KAT6B: variants seen among roughly 807,000 people sequenced by gnomAD.
KAT6B encodes the protein histone acetyltransferase KAT6B.
KAT6B carries 10 observed loss-of-function variants against 187.5 expected under a neutral mutation model. The ratio of observed to expected loss-of-function variants is 0.05; its 90% confidence interval spans 0.03 to 0.09. KAT6B has a LOEUF of 0.09. Ranked by LOEUF, KAT6B falls within the 10% of genes least tolerant of loss-of-function variation. The probability of loss-of-function intolerance (pLI) is 1.00; values close to 1 mark genes in which losing one functional copy is unlikely to be tolerated. For synonymous variants in KAT6B, 861 were observed against 926.8 expected, an observed-to-expected ratio of 0.93 and a Z score of 1.29; for missense variants, 1,952 against 2,558.9, an observed-to-expected ratio of 0.76 and a Z score of 5.12.
rs755361695 is a variant in KAT6B, at chr10:74,981,850, A to G, written c.2295A>G (p.Leu765=). The change falls in exon 11 of 18, where the codon CTA becomes CTG. Residue 765 remains leucine, a synonymous_variant. Transcript: ENST00000287239. ...ATATGAAAAGTAAAAATATTTTGCT[A>G]AGACACTCCAAGAAGTGTGGATGGT... is the stretch of plus-strand genomic sequence containing the variant. ...LKYMKSKNIL[L]RHSKKCGWFH... The G allele has an allele frequency of 1.9e-6, 3 of 1,596,818 alleles. No individual in the cohort carries two copies. The South Asian group carries it at 3.3e-5, about 18-fold the overall frequency.
At chr10:75,024,835 G>T (rs1030724488) in intron 16 of KAT6B, 123 bp from the exon 17 acceptor site, 6 of 856,762 alleles carry the variant, frequency 7.0e-6, no homozygotes, top group Non-Finnish European at 7.8e-6. Flanking sequence ...AAGTACAAAG[G>T]CATTACAGAA....
chr10:74,877,126 T>C (rs1844475520), intron 3 of KAT6B, among the ~76,000 whole-genome samples: 1 of 151,310 alleles, frequency 6.6e-6, no homozygotes, highest in Non-Finnish European at 1.5e-5. Flanking sequence ...CCACCACGCC[T>C]GGCTAATTTT....
intron 9 of KAT6B, 41 bp from the exon 10 acceptor site, chr10:74,979,183 A>G (rs1368033809): frequency 1.5e-6 from 2 of 1,372,896 alleles, no homozygotes; most frequent in East Asian, 4.9e-5. Context: ...ATGTAAGTGA[A>G]GTATATATAT....
chr10:74,928,388 T>G (rs1370906479), intron 3 of KAT6B, among the ~76,000 whole-genome samples: 1 of 152,204 alleles, frequency 6.6e-6, no homozygotes. Context: ...ATGGATAAGA[T>G]TTATGCATGT....
chr10:75,007,875 A>G (rs1168232930), intron 13 of KAT6B, among the ~76,000 whole-genome samples: 2 of 152,236 alleles, frequency 1.3e-5, no homozygotes, highest in Non-Finnish European at 2.9e-5. Context: ...AAAGAGAGAC[A>G]CAGTTTTCAC....
At chr10:74,939,287 A>G (rs1040931864) in intron 3 of KAT6B, among the ~76,000 whole-genome samples, 5 of 152,148 alleles carry the variant, frequency 3.3e-5, no homozygotes, top group African/African-American at 1.2e-4. Context: ...GATATTAACT[A>G]TGAATTATGG....
chr10:74,892,922 A>G (rs1845736796), intron 3 of KAT6B, among the ~76,000 whole-genome samples: 2 of 152,186 alleles, frequency 1.3e-5, no homozygotes, highest in Non-Finnish European at 2.9e-5. Flanking sequence ...CCCTGGGGAC[A>G]GTGTATGGAG....
intron 3 of KAT6B, among the ~76,000 whole-genome samples, chr10:74,913,836 C>G (rs570573227): frequency 6.6e-6 from 1 of 152,314 alleles, no homozygotes; most frequent in East Asian, 1.9e-4. Flanking sequence ...GGGTCTCATG[C>G]TTACCTATTT....
intron 4 of KAT6B, among the ~76,000 whole-genome samples, chr10:74,962,947 C>A (rs1290550330): frequency 6.6e-6 from 1 of 151,818 alleles, no homozygotes; most frequent in African/African-American, 2.4e-5. Context: ...ATGTGGTGTC[C>A]CTAGCCTGGG....
At chr10:74,880,566 T>G (rs965681250) in intron 3 of KAT6B, among the ~76,000 whole-genome samples, 9 of 152,242 alleles carry the variant, frequency 5.9e-5, no homozygotes, top group African/African-American at 1.7e-4. Flanking sequence ...ACGTTTTTAC[T>G]TCTCTTGGCT....
intron 13 of KAT6B, among the ~76,000 whole-genome samples, chr10:74,996,700 C>T (rs1843452148): frequency 1.4e-5 from 2 of 139,726 alleles, no homozygotes; most frequent in Admixed American, 7.8e-5. Context: ...ACCTGGGAGG[C>T]GGAGCTTGCA....
Position 74,904,658 on chromosome 10 carries a change from A to G in KAT6B, c.622-55312A>G, listed in dbSNP as rs186963936. Among the ~76,000 whole-genome samples the G allele has an allele frequency of 5.3e-5, 8 of 152,170 alleles. No individual in the cohort carries two copies. The East Asian group carries it at 1.5e-3, about 29-fold the overall frequency. Reference sequence around the variant, plus strand: ...TTTCTGTTTGACACCTCCTTTCTTTAGCTGTGTTAATATATCCAGTCTTTG... The same window carrying G: ...TTTCTGTTTGACACCTCCTTTCTTTGGCTGTGTTAATATATCCAGTCTTTG... On this transcript the variant is annotated intron_variant, in intron 3 of 17. Transcript: ENST00000287239.
At position 74,905,455 on chromosome 10, in the gene KAT6B, G is replaced by A. The variant is rs969047973; in HGVS notation, c.622-54515G>A. ...ACGATGACATCCAAATTCAGCTGTT[G>A]CCTCTCAGCTGAACCCAACCCTGGG... On this transcript the variant is annotated intron_variant, in intron 3 of 17. Coordinates refer to ENST00000287239, the MANE Select transcript of KAT6B (RefSeq NM_012330.4). Among the ~76,000 whole-genome samples, 5 of 152,186 alleles carry A rather than the reference G, an allele frequency of 3.3e-5. No homozygotes were observed. In the East Asian group the frequency reaches 7.7e-4, roughly 23 times the overall value.
intron 3 of KAT6B, among the ~76,000 whole-genome samples, chr10:74,911,903 T>G (rs972388969): frequency 5.3e-5 from 8 of 152,154 alleles, no homozygotes; most frequent in African/African-American, 9.7e-5. Flanking sequence ...GATCCTGGAC[T>G]CAAACAATCT....
At chr10:74,997,878 A>C (rs1843543792) in intron 13 of KAT6B, among the ~76,000 whole-genome samples, 1 of 152,046 alleles carries the variant, frequency 6.6e-6, no homozygotes, top group Admixed American at 6.5e-5. Context: ...TTGGGAAGCC[A>C]AGGCAAGCAG....
chr10:75,030,461 C>T lies in KAT6B; in HGVS notation c.5637C>T (p.Thr1879=), dbSNP rs1465216908. ...GACCCCAAGCACAAGCTACCATGAC[C>T]CCACCCCCCAACCTGACTCCTCCTC... ...PGGPQAQATM[T]PPPNLTPPPM... The change falls in exon 18 of 18, where the codon ACC becomes ACT. Residue 1879 remains threonine, a synonymous_variant. Transcript: ENST00000287239. The surrounding 1 kb of genome is among the most constrained non-coding windows in gnomAD (Gnocchi z 4.8). 9.3e-6 allele frequency: 15 copies of T among 1,613,722 alleles called. No individual in the cohort carries two copies. Among genetic ancestry groups the T allele is most frequent in the East Asian group, 2.2e-5 (1 of 44,870 alleles).
intron 3 of KAT6B, 73 bp downstream of exon 3, chr10:74,843,551 T>C: frequency 6.4e-7 from 1 of 1,562,578 alleles, no homozygotes; most frequent in Non-Finnish European, 8.8e-7. Flanking sequence ...TTAAGTTTTA[T>C]GTGGACAAAA....
intron 3 of KAT6B, among the ~76,000 whole-genome samples, chr10:74,844,205 CT>C (rs1185087537): frequency 4.8e-5 from 7 of 144,712 alleles, no homozygotes. Flanking sequence ...ATAATCTATG[CT>C]TTTTTTTTTG....
At chr10:74,833,738 A>G (rs1841057150) in intron 1 of KAT6B, among the ~76,000 whole-genome samples, 1 of 152,232 alleles carries the variant, frequency 6.6e-6, no homozygotes, top group Non-Finnish European at 1.5e-5. Context: ...TTAATATAAT[A>G]TGTATTAGTT....
Sources: gnomAD v4.1 joint callset for allele counts (sites outside exome capture counted in the v4.1 genomes callset) on GRCh38, gnomAD v4.1.1 for gene constraint, Gnocchi (gnomAD v3.1) non-coding constraint, MANE v1.5 for transcripts, NCBI Gene and HGNC (gene_info 2026-07-23, HGNC 2026-07-21) for gene names.